The following ADAM28 variants were observed in gnomAD, a reference collection of about 807,000 sequenced individuals.
The protein encoded by ADAM28 is disintegrin and metalloproteinase domain-containing protein 28.
Under a neutral mutation model 101.2 loss-of-function variants are expected in ADAM28, and 105 were observed. That is an observed-to-expected ratio of 1.04 (90% CI 0.89 to 1.22). The LOEUF (loss-of-function observed/expected upper bound fraction) is 1.22, where lower values mean the gene tolerates loss of function less well. Among genes scored for constraint, ADAM28 ranks in the 50% most tolerant of loss-of-function variants. The pLI is 0.00. For synonymous variants in ADAM28, 322 were observed against 310.6 expected (o/e 1.04, Z -0.39); for missense variants, 1,028 against 945.4 (o/e 1.09, Z -1.15).
chr8:24,325,609 A>G (rs1434700434), intron 9 of ADAM28, among the ~76,000 whole-genome samples: 1 of 151,872 alleles, frequency 6.6e-6, no homozygotes, highest in Admixed American at 6.6e-5. Context: ...CCTTTTAAGT[A>G]TGCATAATGT....
intron 2 of ADAM28, among the ~76,000 whole-genome samples, chr8:24,303,658 T>C (rs1007691303): frequency 3.9e-5 from 6 of 152,302 alleles, no homozygotes; most frequent in Non-Finnish European, 7.3e-5. Context: ...TTTAAAGTAA[T>C]TTTTTTCTAA....
chr8:24,353,613 T>G (rs1816427171), intron 21 of ADAM28, among the ~76,000 whole-genome samples, 157 bp from the exon 22 acceptor site: 1 of 152,108 alleles, frequency 6.6e-6, no homozygotes, highest in Non-Finnish European at 1.5e-5. Context: ...ATTCATTGGT[T>G]GAGTAGTTGG....
intron 14 of ADAM28, among the ~76,000 whole-genome samples, chr8:24,336,558 T>C (rs1351303715): frequency 1.7e-5 from 2 of 121,200 alleles, no homozygotes; most frequent in African/African-American, 6.5e-5. Context: ...CCAGCCTGGG[T>C]GACAAAGCCA....
rs372062060 is a variant in ADAM28 at position 24,338,288 on chromosome 8, T to G, written c.1568-1178T>G. 2.0e-5 allele frequency among the ~76,000 whole-genome samples: 3 copies of G among 152,316 alleles called. No individual in the cohort carries two copies. In the East Asian group the frequency reaches 5.8e-4, roughly 29 times the overall value. On this transcript the variant is annotated intron_variant, in intron 14 of 22. Coordinates refer to ENST00000265769, the MANE Select transcript of ADAM28 (RefSeq NM_014265.6). The stretch of plus-strand genomic sequence containing the variant: ...TTGCAGCTGTGATGCTTTAGAAAAT[T>G]TAATGCCTGGGGAAAGGACAGCTAT...
At position 24,330,100 on chromosome 8, in the gene ADAM28, T is replaced by G. The variant is rs775800224; in HGVS notation, c.1088T>G (p.Met363Arg). Residue 363 changes from methionine to arginine, a missense_variant, in exon 11 of 23, where the codon ATG becomes AGG. Coordinates refer to ENST00000265769, the MANE Select transcript of ADAM28 (RefSeq NM_014265.6). Reference sequence around the variant, plus strand: ...AAGTGTCCTTCTACAATATGTGTGATGGACAAAGCACTGAGGTGAGGCTCT... The same window carrying G: ...AAGTGTCCTTCTACAATATGTGTGAGGGACAAAGCACTGAGGTGAGGCTCT... ...SCKCPSTICVMDKALSFYIPT... is the reference protein window; with the variant it reads ...SCKCPSTICVRDKALSFYIPT... 2 of 1,613,310 alleles carry G rather than the reference T, an allele frequency of 1.2e-6. No homozygotes were observed. Among genetic ancestry groups the G allele is most frequent in the African/African-American group, 2.7e-5 (2 of 74,868 alleles).
chr8:24,333,188 TG>T lies in ADAM28; in HGVS notation c.1371+441del, dbSNP rs371345325. On this transcript the variant is annotated intron_variant, in intron 13 of 22. Transcript: ENST00000265769. The stretch of plus-strand genomic sequence containing the variant: ...GGAGGCTCGGAAAATGGGGAGATGA[TG>T]GTCAAAAGGGACAAGTTACAGTTAT... Among the ~76,000 whole-genome samples, 790 of 152,282 alleles carry T rather than the reference TG, an allele frequency of 5.2e-3. 7 individuals carry two copies. The highest frequency in any genetic ancestry group is 0.018 in the African/African-American group (764 of 41,566).
Position 24,311,432 on chromosome 8 carries a change from T to A in ADAM28, c.378T>A (p.Gly126=), listed in dbSNP as rs1810443931. 6.2e-7 allele frequency: 1 copy of A among 1,612,098 alleles called. No individual in the cohort carries two copies. The change falls in exon 5 of 23, where the codon GGT becomes GGA. Residue 126 remains glycine (G), a synonymous_variant. Coordinates refer to ENST00000265769, the MANE Select transcript of ADAM28 (RefSeq NM_014265.6). The stretch of plus-strand genomic sequence containing the variant: ...ACGCTAGCATCAGCACATGTAGGGG[T>A]CTAAGGTAAGACTTCAGGAATGTTT... ...VSDASISTCR[G]LRGYFSQGDQ...
chr8:24,330,669 T>G (rs1380504261), intron 11 of ADAM28, among the ~76,000 whole-genome samples: 2 of 152,144 alleles, frequency 1.3e-5, no homozygotes, highest in African/African-American at 4.8e-5. Flanking sequence ...GAAGCTAGGG[T>G]TATTCTCCAA....
Position 24,332,740 on chromosome 8 carries a change from A to G in ADAM28, c.1362A>G (p.Glu454=). 6.9e-7 allele frequency: 1 copy of G among 1,455,976 alleles called. No individual in the cohort carries two copies. The highest frequency in any genetic ancestry group is 9.2e-7 in the Non-Finnish European group (1 of 1,089,004). The allele number at this position is 1,455,976 out of a possible 1,614,324, so 90.2% of individuals were successfully genotyped here. ...AATGTGCATTAGGAGAATGTTGTGA[A>G]AAATGCCAAGTAAGATTATTTTATT... ...TFQCALGECC[E]KCQFKKAGMV... Residue 454 remains glutamate (E), a synonymous_variant, in exon 13 of 23, where the codon GAA becomes GAG. Transcript: ENST00000265769.
intron 8 of ADAM28, among the ~76,000 whole-genome samples, chr8:24,322,817 A>G (rs1812058571): frequency 6.6e-6 from 1 of 151,960 alleles, no homozygotes; most frequent in Non-Finnish European, 1.5e-5. Context: ...GAAATATTTA[A>G]GTTTCTTAGC....
In ADAM28 at chr8:24,349,929, A is replaced by T. The variant is rs1815871127; in HGVS notation, c.2056A>T (p.Ile686Phe). 6.2e-7 allele frequency: 1 copy of T among 1,613,550 alleles called. No homozygotes were observed. Among genetic ancestry groups the T allele is most frequent in the Non-Finnish European group, 8.5e-7 (1 of 1,179,760 alleles). ...CATTTTTGTGGTGGTTGCTATGGTA[A>T]TCCGGCACCAGAGCTCCAGAGAAAA... is the stretch of plus-strand genomic sequence containing the variant. ...AVIFVVVAMV[I>F]RHQSSREKQK... Residue 686 changes from isoleucine to phenylalanine, a missense_variant, in exon 19 of 23, where the codon ATC (isoleucine) becomes TTC (phenylalanine). By Grantham distance (21) the Ile-to-Phe change is conservative. Coordinates refer to ENST00000265769, the MANE Select transcript of ADAM28 (RefSeq NM_014265.6).
intron 18 of ADAM28, among the ~76,000 whole-genome samples, chr8:24,346,709 C>T (rs1216456085): frequency 1.3e-5 from 2 of 152,022 alleles, no homozygotes; most frequent in Non-Finnish European, 2.9e-5. Context: ...AAAATGAACG[C>T]TCATGTAATA....
chr8:24,340,184 A>G (rs1814594661), intron 15 of ADAM28, among the ~76,000 whole-genome samples: 1 of 152,190 alleles, frequency 6.6e-6, no homozygotes, highest in African/African-American at 2.4e-5. Flanking sequence ...TTAAAATCCA[A>G]TTATAGATTA....
rs1189144820 is a variant in ADAM28, at chr8:24,357,291, C to CAAT, written c.*2889_*2891dup. On this transcript the variant is annotated 3_prime_UTR_variant, in exon 23 of 23. Coordinates refer to ENST00000265769, the MANE Select transcript of ADAM28 (RefSeq NM_014265.6). ...TGGTTTGGAGATATTTGTTATGCAG[C>CAAT]AATAGATAGCTGATACAAGGAAGTA... is the stretch of plus-strand genomic sequence containing the variant. The CAAT allele has an allele frequency of 6.6e-6, 1 of 152,098 alleles. No individual in the cohort carries two copies. The highest frequency in any genetic ancestry group is 2.4e-5 in the African/African-American group (1 of 41,422). The allele number at this position is 152,098 out of a possible 1,614,324, so 9.4% of individuals were successfully genotyped here.
chr8:24,324,136 T>A (rs1041138786), intron 9 of ADAM28, 133 bp downstream of exon 9: 9 of 690,604 alleles, frequency 1.3e-5, no homozygotes, highest in Non-Finnish European at 1.9e-5. Flanking sequence ...ATGTCAAATA[T>A]GCTCTTATTT....
At position 24,325,871 on chromosome 8, in the gene ADAM28, C is replaced by CAAAAAAAAAAAAAAAAAAAAAAAAAA. The variant is rs5890146; in HGVS notation, c.891-679_891-654dup. On this transcript the variant is annotated intron_variant, in intron 9 of 22. Coordinates refer to ENST00000265769, the MANE Select transcript of ADAM28 (RefSeq NM_014265.6). ...AAGGGCCAGGATCTTGTACAGATAG[C>CAAAAAAAAAAAAAAAAAAAAAAAAAA]AAAAAAAAAAAAAAAAAAAAAAAAA... 2.9e-4 allele frequency among the ~76,000 whole-genome samples: 6 copies of CAAAAAAAAAAAAAAAAAAAAAAAAAA among 20,414 alleles called. 1 individual carries two copies. The highest frequency in any genetic ancestry group is 6.6e-4 in the African/African-American group (3 of 4,532). 13.4% of individuals were successfully genotyped at this position (20,414 alleles called of 152,430 possible). A position where few individuals can be genotyped will look rare whatever the true frequency, so the allele number is the denominator to read the frequency against.
At chr8:24,346,004 T>C (rs1213093317) in intron 18 of ADAM28, among the ~76,000 whole-genome samples, 1 of 152,088 alleles carries the variant, frequency 6.6e-6, no homozygotes, top group Non-Finnish European at 1.5e-5. Context: ...CTTTCAGTGC[T>C]ATTTCTTATC....
chr8:24,321,359 C>A, intron 8 of ADAM28, 70 bp downstream of exon 8: 2 of 1,260,176 alleles, frequency 1.6e-6, no homozygotes, highest in Non-Finnish European at 2.3e-6. Flanking sequence ...TTTCAATGAA[C>A]GCACATGAAG....
chr8:24,335,166 GTT>G (rs531078764), intron 13 of ADAM28, among the ~76,000 whole-genome samples: 3 of 140,700 alleles, frequency 2.1e-5, no homozygotes, highest in African/African-American at 2.6e-5. Context: ...GTTGTTGCCT[GTT>G]TTTTTTTTTT....
Sources: gnomAD v4.1 joint callset for allele counts (sites outside exome capture counted in the v4.1 genomes callset) on GRCh38, gnomAD v4.1.1 for gene constraint, MANE v1.5 for transcripts, NCBI Gene and HGNC (gene_info 2026-07-23, HGNC 2026-07-21) for gene names.